The following RXFP1 variants were observed in gnomAD, a reference collection of about 807,000 sequenced individuals.
The protein encoded by RXFP1 is relaxin receptor 1.
A neutral mutation model predicts 89.8 loss-of-function variants in RXFP1; 73 were observed. That is an observed-to-expected ratio of 0.81 (90% CI 0.67 to 0.99). The LOEUF is 0.99. Among genes scored for constraint, RXFP1 ranks in the 50% least tolerant of loss-of-function variants. RXFP1 has a pLI of 0.00. For missense variants in RXFP1, 793 were observed against 895.5 expected, an observed-to-expected ratio of 0.89 and a Z score of 1.46; for synonymous variants, 277 against 305.5, an observed-to-expected ratio of 0.91 and a Z score of 0.97.
intron 1 of RXFP1, among the ~76,000 whole-genome samples, chr4:158,560,748 G>A (rs1034493807): frequency 1.2e-4 from 19 of 152,106 alleles, no homozygotes; most frequent in Non-Finnish European, 2.4e-4. Flanking sequence ...CATGTTCAAG[G>A]CAGAAAGAAA....
chr4:158,639,337 T>C lies in RXFP1; in HGVS notation c.1115+6T>C. The C allele has an allele frequency of 7.0e-7, 1 of 1,433,732 alleles. No individual in the cohort carries two copies. The highest frequency in any genetic ancestry group is 9.8e-7 in the Non-Finnish European group (1 of 1,017,972). 88.8% of individuals were successfully genotyped at this position (1,433,732 alleles called of 1,614,324 possible). On this transcript the variant is annotated splice_donor_region_variant and intron_variant, in intron 14 of 17. Transcript: ENST00000307765. The stretch of plus-strand genomic sequence containing the variant: ...CTTATGAATCTCTCTCACATGTAAG[T>C]AGATATTTTATTGTTTTTCACTGTG...
chr4:158,651,696 T>A, intron 17 of RXFP1, 61 bp from the exon 18 acceptor site: 1 of 1,314,698 alleles, frequency 7.6e-7, no homozygotes, highest in Non-Finnish European at 1.0e-6. Flanking sequence ...ACAGGGAAAT[T>A]GGGTTTCTAT....
chr4:158,571,638 G>A (rs1231447658), intron 1 of RXFP1, among the ~76,000 whole-genome samples: 1 of 151,976 alleles, frequency 6.6e-6, no homozygotes, highest in African/African-American at 2.4e-5. Context: ...CTCCAGCCTG[G>A]GCGACAAGAG....
chr4:158,592,925 TAAAAA>T (rs33995741), intron 2 of RXFP1, among the ~76,000 whole-genome samples: 1 of 144,070 alleles, frequency 6.9e-6, no homozygotes, highest in Non-Finnish European at 1.5e-5. Context: ...CCATCTCTAC[TAAAAA>T]AAAAAAAATT....
chr4:158,556,193 T>A (rs1751250251), intron 1 of RXFP1, among the ~76,000 whole-genome samples: 1 of 150,002 alleles, frequency 6.7e-6, no homozygotes, highest in Admixed American at 6.7e-5. Context: ...GACAAGGAGT[T>A]GATATCCAAA....
At chr4:158,562,208 A>T (rs1297754443) in intron 1 of RXFP1, among the ~76,000 whole-genome samples, 1 of 152,042 alleles carries the variant, frequency 6.6e-6, no homozygotes, top group East Asian at 1.9e-4. Flanking sequence ...TAATGCCAAC[A>T]CTATACATTT....
At chr4:158,599,691 G>C (rs1301136542) in intron 4 of RXFP1, among the ~76,000 whole-genome samples, 1 of 152,010 alleles carries the variant, frequency 6.6e-6, no homozygotes, top group African/African-American at 2.4e-5. Context: ...AACAAAAAAA[G>C]TCATCAATTG....
At chr4:158,529,961 C>A (rs916556086) in intron 1 of RXFP1, among the ~76,000 whole-genome samples, 1 of 152,208 alleles carries the variant, frequency 6.6e-6, no homozygotes, top group African/African-American at 2.4e-5. Context: ...ACCCCTCCCT[C>A]ATTTTGCAGT....
intron 1 of RXFP1, among the ~76,000 whole-genome samples, chr4:158,522,578 G>T (rs1025547224): frequency 3.9e-5 from 6 of 152,052 alleles, no homozygotes; most frequent in African/African-American, 1.4e-4. Flanking sequence ...AGCTCCAAAT[G>T]GGCATGTTAT....
chr4:158,598,824 T>TA lies in RXFP1; in HGVS notation c.287-492dup, dbSNP rs958932634. Among the ~76,000 whole-genome samples, 541 of 148,102 alleles carry TA rather than the reference T, an allele frequency of 3.7e-3. 3 individuals are homozygous for TA. The highest frequency in any genetic ancestry group is 0.012 in the African/African-American group (471 of 40,640). On this transcript the variant is annotated intron_variant, in intron 3 of 17. Transcript: ENST00000307765. ...AAATTATTTGAAGAACTCCTGATTT[T>TA]AAAAAAAAAACTATAGACACTATCA...
chr4:158,648,134 C>G (rs991576078), intron 16 of RXFP1, among the ~76,000 whole-genome samples: 17 of 152,094 alleles, frequency 1.1e-4, no homozygotes, highest in African/African-American at 4.1e-4. Flanking sequence ...TATGATTGTA[C>G]CACTGCACTT....
chr4:158,538,402 T>G (rs997945442), intron 1 of RXFP1, among the ~76,000 whole-genome samples: 24 of 152,192 alleles, frequency 1.6e-4, no homozygotes, highest in African/African-American at 5.5e-4. Context: ...AGTCAAGTGC[T>G]GAAGGATTGC....
intron 2 of RXFP1, among the ~76,000 whole-genome samples, chr4:158,590,210 GGC>G (rs1759146914): frequency 2.0e-5 from 3 of 152,186 alleles, no homozygotes; most frequent in Non-Finnish European, 4.4e-5. Flanking sequence ...CTATCACCCA[GGC>G]TGGAGTGCAG....
chr4:158,629,584 C>T (rs1477882769), intron 11 of RXFP1, among the ~76,000 whole-genome samples: 1 of 151,224 alleles, frequency 6.6e-6, no homozygotes, highest in Non-Finnish European at 1.5e-5. Flanking sequence ...ATCCTTCAGA[C>T]CATTTTTTTA....
chr4:158,531,521 C>T (rs564396979), intron 1 of RXFP1, among the ~76,000 whole-genome samples: 3 of 152,310 alleles, frequency 2.0e-5, no homozygotes, highest in South Asian at 2.1e-4. Context: ...ATCCACCCTT[C>T]GGTTTTTGTC....
chr4:158,582,102 G>T (rs1263993497), intron 2 of RXFP1, among the ~76,000 whole-genome samples: 1 of 152,192 alleles, frequency 6.6e-6, no homozygotes, highest in Middle Eastern at 3.4e-3. Context: ...ATCCAAACTA[G>T]GACCCACCTC....
intron 10 of RXFP1, among the ~76,000 whole-genome samples, 197 bp from the exon 11 acceptor site, chr4:158,628,441 C>G (rs1767349827): frequency 6.6e-6 from 1 of 152,104 alleles, no homozygotes; most frequent in Admixed American, 6.5e-5. Flanking sequence ...TTTTGAATTT[C>G]TATTATTATC....
chr4:158,542,789 T>C (rs1396609399), intron 1 of RXFP1, among the ~76,000 whole-genome samples: 1 of 141,294 alleles, frequency 7.1e-6, no homozygotes, highest in Admixed American at 6.8e-5. Flanking sequence ...AGAGTCTGTA[T>C]TGCTATTTTC....
intron 11 of RXFP1, among the ~76,000 whole-genome samples, chr4:158,632,595 G>A (rs1367038820): frequency 1.3e-5 from 2 of 152,096 alleles, no homozygotes; most frequent in Non-Finnish European, 2.9e-5. Context: ...CACCTTTTTA[G>A]GACTAAGGTA....
Sources: gnomAD v4.1 joint callset for allele counts (sites outside exome capture counted in the v4.1 genomes callset) on GRCh38, gnomAD v4.1.1 for gene constraint, MANE v1.5 for transcripts, NCBI Gene and HGNC (gene_info 2026-07-23, HGNC 2026-07-21) for gene names.